Variants in APC2 observed in about 807,000 individuals in gnomAD.
The protein encoded by APC2 is adenomatous polyposis coli protein 2.
A neutral mutation model predicts 72.5 loss-of-function variants in APC2; 41 were observed. That is an observed-to-expected ratio of 0.57 (90% CI 0.44 to 0.73). The LOEUF (loss-of-function observed/expected upper bound fraction) is 0.73. Among genes scored for constraint, APC2 ranks in the 30% least tolerant of loss-of-function variants. The pLI, the probability that APC2 is intolerant of heterozygous loss-of-function variation, is 0.00. For missense variants in APC2, 3,729 were observed against 3,403.4 expected (o/e 1.10, Z -2.38); for synonymous variants, 1,898 against 1,612.0 (o/e 1.18, Z -4.25).
chr19:1,448,322 G>A (rs1330581286), upstream of APC2, among the ~76,000 whole-genome samples: 1 of 152,154 alleles, frequency 6.6e-6, no homozygotes, highest in Non-Finnish European at 1.5e-5. Flanking sequence ...TTCGAGGCGG[G>A]CGGATCATGA....
intron 4 of APC2, among the ~76,000 whole-genome samples, chr19:1,454,368 T>C (rs1043107669): frequency 7.8e-6 from 1 of 127,400 alleles, no homozygotes; most frequent in African/African-American, 4.0e-5. Context: ...CTTTCTCTTT[T>C]TTTTTTTTTT....
In APC2 at chr19:1,467,577, C is replaced by CA; in HGVS notation, c.4279dup (p.Arg1427LysfsTer77). On this transcript the variant is annotated frameshift_variant, in exon 15 of 15. Transcript: ENST00000590469. LOFTEE classifies it low-confidence loss of function (END_TRUNC). ...CCAGCCCGGGGGACCAGCGGGCAGG[C>CA]AAAGACCCACCGGCCGCCCCACCTC... 6.6e-7 allele frequency: 1 copy of CA among 1,513,256 alleles called. No individual in the cohort carries two copies. Among genetic ancestry groups the CA allele is most frequent in the Non-Finnish European group, 8.8e-7 (1 of 1,137,162 alleles). The allele number at this position is 1,513,256 out of a possible 1,614,324, so 93.7% of individuals were successfully genotyped here.
At chr19:1,457,330 T>G (rs2083850210) in intron 9 of APC2, 87 bp downstream of exon 9, 1 of 1,435,962 alleles carries the variant, frequency 7.0e-7, no homozygotes, top group Admixed American at 2.9e-5. Flanking sequence ...ACCTCCAGCC[T>G]TTGCTGCCTG....
At chr19:1,456,476 C>A in intron 8 of APC2, 72 bp downstream of exon 8, 1 of 1,417,568 alleles carries the variant, frequency 7.1e-7, no homozygotes, top group Non-Finnish European at 9.5e-7. Context: ...TGCATCCTCG[C>A]CAGTGGTGGT....
upstream of APC2, among the ~76,000 whole-genome samples, chr19:1,447,816 G>C (rs970675826): frequency 1.3e-5 from 2 of 152,260 alleles, no homozygotes; most frequent in East Asian, 3.9e-4. Flanking sequence ...CGGAGGCCTG[G>C]CTGGCACAGG....
Position 1,467,680 on chromosome 19 carries a change from A to G in APC2, c.4379A>G (p.Lys1460Arg). 1 of 1,479,098 alleles carries G rather than the reference A, an allele frequency of 6.8e-7. No homozygotes were observed. Among genetic ancestry groups the G allele is most frequent in the Non-Finnish European group, 8.9e-7 (1 of 1,123,154 alleles). 91.6% of individuals were successfully genotyped at this position (1,479,098 alleles called of 1,614,324 possible). The change falls in exon 15 of 15, where the codon AAG (lysine) becomes AGG (arginine). Residue 1460 changes from lysine (K) to arginine (R), a missense_variant. Coordinates refer to ENST00000590469, the MANE Select transcript of APC2 (RefSeq NM_005883.3). Reference protein sequence around the residue: ...RSAEQSRGAGKNRAGLELPLG... With the variant: ...RSAEQSRGAGRNRAGLELPLG... ...GCGGAGCAGTCTCGGGGCGCGGGCAAGAACAGAGCAGGGCTGGAGCTGCCC... is the reference window on the plus strand; with the variant it reads ...GCGGAGCAGTCTCGGGGCGCGGGCAGGAACAGAGCAGGGCTGGAGCTGCCC...
intron 12 of APC2, 72 bp downstream of exon 12, chr19:1,460,929 G>A: frequency 6.3e-7 from 1 of 1,596,426 alleles, no homozygotes; most frequent in Non-Finnish European, 8.6e-7. Flanking sequence ...CAGCGGTGTG[G>A]TGGGCTGGCA....
At chr19:1,458,353 G>T in intron 10 of APC2, 2 of 448,132 alleles carry the variant, frequency 4.5e-6, no homozygotes, top group Admixed American at 7.7e-5. Context: ...GAAGGGCAAA[G>T]ATAGATAGAA....
At chr19:1,464,619 A>C (rs1052386003) in intron 14 of APC2, among the ~76,000 whole-genome samples, 1 of 147,108 alleles carries the variant, frequency 6.8e-6, no homozygotes, top group Non-Finnish European at 1.5e-5. Context: ...GGATATGTGC[A>C]TGCTGTTTTT....
At chr19:1,449,066 C>T (rs528390685), upstream of APC2, among the ~76,000 whole-genome samples, 36 of 152,290 alleles carry the variant, frequency 2.4e-4, no homozygotes, top group African/African-American at 7.9e-4. Context: ...ACGGGTCCTC[C>T]CTTGCCTTTG....
rs1377422079 is a variant in APC2 at position 1,467,446 on chromosome 19, C to CGGCCCA, written c.4148_4153dup (p.Ala1383_Gln1384dup). On this transcript the variant is annotated inframe_insertion, in exon 15 of 15. Transcript: ENST00000590469. ...TACATGTTGGTGCCCGCCCCGGCCC[C>CGGCCCA]GGCCCAGGAGGACGACTCCTGCACT... is the stretch of plus-strand genomic sequence containing the variant. The CGGCCCA allele has an allele frequency of 3.4e-6, 5 of 1,476,392 alleles. No individual in the cohort carries two copies. The highest frequency in any genetic ancestry group is 4.5e-6 in the Non-Finnish European group (5 of 1,117,782). 91.5% of individuals were successfully genotyped at this position (1,476,392 alleles called of 1,614,324 possible). A position where few individuals can be genotyped will look rare whatever the true frequency, so the allele number is the denominator to read the frequency against.
upstream of APC2, among the ~76,000 whole-genome samples, chr19:1,447,764 G>C (rs1382957474): frequency 1.3e-5 from 2 of 152,150 alleles, no homozygotes; most frequent in Non-Finnish European, 2.9e-5. Flanking sequence ...TCCAGGCCCT[G>C]GCCACCCCCA....
Position 1,467,942 on chromosome 19 carries a change from G to GGCCCCT in APC2, c.4647_4652dup (p.Ala1550_Pro1551dup), listed in dbSNP as rs749078389. On this transcript the variant is annotated inframe_insertion, in exon 15 of 15. Transcript: ENST00000590469. ...GGGAGCGTCCGCAGGGCCGGAAGGA[G>GGCCCCT]GCCCCTGCCCCGTCCAAGGCTGCAC... The GGCCCCT allele has an allele frequency of 6.3e-7, 1 of 1,586,492 alleles. No individual in the cohort carries two copies. Among genetic ancestry groups the GGCCCCT allele is most frequent in the South Asian group, 1.1e-5 (1 of 89,672 alleles).
In APC2 at chr19:1,459,061, C is replaced by T. The variant is rs186888398; in HGVS notation, c.1303+1001C>T. On this transcript the variant is annotated intron_variant, in intron 10 of 14. Transcript: ENST00000590469. ...CCCAGCCCCTGGCACCCACCCCCAT[C>T]CTACTTTCTGTCTCTGTGAATCTGA... is the stretch of plus-strand genomic sequence containing the variant. 1.1e-4 allele frequency among the ~76,000 whole-genome samples: 16 copies of T among 152,216 alleles called. No homozygotes were observed. The East Asian group carries it at 2.7e-3, about 26-fold the overall frequency.
At position 1,471,399 on chromosome 19, in the gene APC2, G is replaced by C. The variant is rs12981588; in HGVS notation, c.*1186G>C. 0.024 allele frequency: 3,699 copies of C among 152,464 alleles called. 73 individuals carry two copies. Among genetic ancestry groups the C allele is most frequent in the Non-Finnish European group, 0.039 (2,680 of 68,122 alleles). 9.4% of individuals were successfully genotyped at this position (152,464 alleles called of 1,614,324 possible). ...CGGGAGGTTCGGGGGCCTTCCGGCA[G>C]GTGAACGCAGGGCTGGAGAGTATTT... On this transcript the variant is annotated 3_prime_UTR_variant, in exon 15 of 15. Transcript: ENST00000590469.
At position 1,468,597 on chromosome 19, in the gene APC2, C is replaced by G. The variant is rs774719404; in HGVS notation, c.5296C>G (p.Arg1766Gly). The G allele has an allele frequency of 4.4e-6, 7 of 1,600,538 alleles. No homozygotes were observed. The highest frequency in any genetic ancestry group is 4.3e-6 in the Non-Finnish European group (5 of 1,171,968). ...CTCAGTCAAGACCAGCGGGAGCCCC[C>G]GTTCCCCTGCAGGCCCCGAGAAGCC... ...AASVKTSGSP[R>G]SPAGPEKPRG... is the part of the protein sequence containing the mutation. Residue 1766 changes from arginine to glycine, a missense_variant, in exon 15 of 15, where the codon CGT becomes GGT. Transcript: ENST00000590469.
chr19:1,468,429 G>C lies in APC2; in HGVS notation c.5128G>C (p.Ala1710Pro), dbSNP rs2084064885. The change falls in exon 15 of 15, where the codon GCC becomes CCC. Residue 1710 changes from alanine to proline, a missense_variant. Transcript: ENST00000590469. ...CCAGGCAGCAGCTGCCACGCGGGAG[G>C]CCTCGTCCGAGTCCGACTCCATCCT... Reference protein sequence around the residue: ...LHQAAAATREASSESDSILSF... With the variant: ...LHQAAAATREPSSESDSILSF... The C allele has an allele frequency of 6.3e-7, 1 of 1,592,262 alleles. No homozygotes were observed. The highest frequency in any genetic ancestry group is 8.5e-7 in the Non-Finnish European group (1 of 1,170,532).
At chr19:1,461,924 C>T (rs754276343) in intron 13 of APC2, 39 bp from the exon 14 acceptor site, 3 of 1,551,852 alleles carry the variant, frequency 1.9e-6, no homozygotes, top group Admixed American at 3.5e-5. Context: ...CTCCGGGCCA[C>T]TCAGGCCCTG....
intron 13 of APC2, chr19:1,461,525 C>T: frequency 8.2e-6 from 3 of 364,602 alleles, no homozygotes; most frequent in South Asian, 5.8e-5. Context: ...TGCATTCCAG[C>T]CTGGGCCACA....
Sources: allele counts gnomAD v4.1 joint callset (sites outside exome capture counted in the v4.1 genomes callset), GRCh38; gene constraint gnomAD v4.1.1; transcripts MANE v1.5; gene names NCBI Gene and HGNC (gene_info 2026-07-23, HGNC 2026-07-21).